EEPD1: variants seen among roughly 807,000 people sequenced by gnomAD.
The protein encoded by EEPD1 is endonuclease/exonuclease/phosphatase family domain-containing protein 1.
A neutral mutation model predicts 46.3 loss-of-function variants in EEPD1; 17 were observed. That is an observed-to-expected ratio of 0.37 (90% CI 0.25 to 0.55). The LOEUF is 0.55. EEPD1 is among the 20% of genes least tolerant of loss of function. The pLI, the probability that EEPD1 is intolerant of heterozygous loss-of-function variation, is 0.83. For missense variants in EEPD1, 673 were observed against 745.6 expected, an observed-to-expected ratio of 0.90 and a Z score of 1.13; for synonymous variants, 313 against 315.6, an observed-to-expected ratio of 0.99 and a Z score of 0.09.
chr7:36,289,113 A>G (rs966875181), intron 6 of EEPD1, among the ~76,000 whole-genome samples: 1 of 152,242 alleles, frequency 6.6e-6, no homozygotes, highest in African/African-American at 2.4e-5. Flanking sequence ...ATGTATGTAT[A>G]TATGTATATA....
intron 3 of EEPD1, among the ~76,000 whole-genome samples, chr7:36,255,987 C>T (rs1424589786): frequency 6.6e-6 from 1 of 152,208 alleles, no homozygotes; most frequent in Non-Finnish European, 1.5e-5. Flanking sequence ...CCTCTAAACA[C>T]TGCTTTAGCT....
intron 4 of EEPD1, among the ~76,000 whole-genome samples, chr7:36,284,163 G>A (rs1042555191): frequency 2.0e-5 from 3 of 152,326 alleles, no homozygotes; most frequent in South Asian, 2.1e-4. Context: ...GGTCAACTGC[G>A]ACCTCCACTC....
intron 3 of EEPD1, among the ~76,000 whole-genome samples, chr7:36,274,361 A>C (rs1787154113): frequency 6.6e-6 from 1 of 152,232 alleles, no homozygotes; most frequent in Admixed American, 6.5e-5. Context: ...CTCAGCAGAG[A>C]GTGTATTTCT....
chr7:36,292,660 A>G (rs961741053), intron 6 of EEPD1, among the ~76,000 whole-genome samples: 4 of 151,878 alleles, frequency 2.6e-5, no homozygotes, highest in Admixed American at 1.3e-4. Context: ...GGCGCCCACC[A>G]CTATGCCCAG....
At chr7:36,257,994 T>G (rs1417140497) in intron 3 of EEPD1, among the ~76,000 whole-genome samples, 1 of 152,218 alleles carries the variant, frequency 6.6e-6, no homozygotes, top group East Asian at 1.9e-4. Flanking sequence ...GGTGGTGACC[T>G]TCAGATGGGG....
At chr7:36,256,687 C>G (rs908172082) in intron 3 of EEPD1, among the ~76,000 whole-genome samples, 1 of 151,868 alleles carries the variant, frequency 6.6e-6, no homozygotes. Flanking sequence ...AAATATTCCT[C>G]CATCCCTTTA....
At chr7:36,242,694 G>A (rs1308255922) in intron 3 of EEPD1, among the ~76,000 whole-genome samples, 2 of 151,576 alleles carry the variant, frequency 1.3e-5, no homozygotes, top group Non-Finnish European at 2.9e-5. Flanking sequence ...AGGCCAAGGT[G>A]GGTGGATCAC....
intron 3 of EEPD1, among the ~76,000 whole-genome samples, chr7:36,262,366 T>C (rs1277137029): frequency 2.6e-5 from 4 of 152,070 alleles, no homozygotes; most frequent in Non-Finnish European, 4.4e-5. Context: ...AAAAAAATTG[T>C]CTGAGGGTCA....
intron 2 of EEPD1, among the ~76,000 whole-genome samples, chr7:36,237,904 TCACTC>T (rs1304638444): frequency 4.6e-5 from 7 of 152,080 alleles, no homozygotes; most frequent in African/African-American, 1.7e-4. Context: ...TGAGCCAAGA[TCACTC>T]CACTGCATTT....
In EEPD1 at chr7:36,239,093, A is replaced by AAGAAAAATTCAACTCCCTGTC. The variant is rs1786508681; in HGVS notation, c.930+59_930+79dup. The AAGAAAAATTCAACTCCCTGTC allele has an allele frequency of 3.8e-6, 6 of 1,566,526 alleles. No homozygotes were observed. The South Asian group carries it at 6.9e-5, about 18-fold the overall frequency. Reference sequence around the variant, plus strand: ...AAACCAAGAACGGAGGGCCACACATAAGAAAAATTCAACTCCCTGTCACCA... The same window carrying AAGAAAAATTCAACTCCCTGTC: ...AAACCAAGAACGGAGGGCCACACATAAGAAAAATTCAACTCCCTGTCAGAAAAATTCAACTCCCTGTCACCA... On this transcript the variant is annotated intron_variant, in intron 3 of 7. Transcript: ENST00000242108.
At chr7:36,153,771 G>A (rs1039828663) in intron 1 of EEPD1, 97 bp downstream of exon 1, 2 of 153,730 alleles carry the variant, frequency 1.3e-5, no homozygotes, top group African/African-American at 4.8e-5. Context: ...GTTGCAGGTA[G>A]CGCTGTGTCA....
chr7:36,208,769 C>G (rs11764353), intron 2 of EEPD1, among the ~76,000 whole-genome samples: 3,271 of 152,324 alleles, frequency 0.021, 99 homozygotes, highest in Non-Finnish European at 0.027. Context: ...TTCCACACAA[C>G]TAAGCATATC....
chr7:36,262,595 G>T (rs1047605326), intron 3 of EEPD1, among the ~76,000 whole-genome samples: 2 of 152,166 alleles, frequency 1.3e-5, no homozygotes, highest in African/African-American at 4.8e-5. Context: ...TTCTCTTGGA[G>T]TGGACTGTCC....
At position 36,220,102 on chromosome 7, in the gene EEPD1, A is replaced by C. The variant is rs567176798; in HGVS notation, c.879-18883A>C. On this transcript the variant is annotated intron_variant, in intron 2 of 7. Transcript: ENST00000242108. The stretch of plus-strand genomic sequence containing the variant: ...GATGGGGATGCTGTCCCCACAGTAG[A>C]TGCAGAAAACTAGTTTGATCTTGTT... 2.6e-5 allele frequency among the ~76,000 whole-genome samples: 4 copies of C among 152,276 alleles called. No homozygotes were observed. In the Middle Eastern group the frequency reaches 0.01, roughly 388 times the overall value.
intron 2 of EEPD1, among the ~76,000 whole-genome samples, chr7:36,181,733 G>T (rs760218904): frequency 6.6e-6 from 1 of 152,210 alleles, no homozygotes. Flanking sequence ...CAGCATCACG[G>T]AGCAGTGGGT....
chr7:36,221,337 A>G (rs2115746408), intron 2 of EEPD1, among the ~76,000 whole-genome samples: 1 of 152,294 alleles, frequency 6.6e-6, no homozygotes, highest in South Asian at 2.1e-4. Context: ...TGTTTTGCTT[A>G]TTATCTGTGT....
intron 3 of EEPD1, among the ~76,000 whole-genome samples, chr7:36,277,359 A>G (rs1583475871): frequency 6.6e-6 from 1 of 152,342 alleles, no homozygotes; most frequent in East Asian, 1.9e-4. Context: ...GGGCTGTGCC[A>G]GGAATAATAA....
intron 2 of EEPD1, among the ~76,000 whole-genome samples, chr7:36,235,297 G>A (rs1204860177): frequency 2.6e-5 from 4 of 152,232 alleles, no homozygotes; most frequent in Non-Finnish European, 4.4e-5. Flanking sequence ...TGTCAAAAAG[G>A]GGAAAATACC....
intron 3 of EEPD1, among the ~76,000 whole-genome samples, chr7:36,260,427 A>G (rs990462991): frequency 6.6e-6 from 1 of 152,194 alleles, no homozygotes; most frequent in African/African-American, 2.4e-5. Context: ...CTTTCTGGCA[A>G]TGAGTGATTT....
Sources: gnomAD v4.1 joint callset for allele counts (sites outside exome capture counted in the v4.1 genomes callset) on GRCh38, gnomAD v4.1.1 for gene constraint, MANE v1.5 for transcripts, NCBI Gene and HGNC (gene_info 2026-07-23, HGNC 2026-07-21) for gene names.